JAM3: variants seen among roughly 807,000 people sequenced by gnomAD.
JAM3 encodes the protein junctional adhesion molecule C.
Under a neutral mutation model 39.4 loss-of-function variants are expected in JAM3, and 31 were observed. The ratio of observed to expected loss-of-function variants is 0.79; its 90% confidence interval spans 0.59 to 1.06. The LOEUF (loss-of-function observed/expected upper bound fraction) is 1.06. Among genes scored for constraint, JAM3 ranks in the 50% least tolerant of loss-of-function variants. The probability of loss-of-function intolerance (pLI) is 0.00; values close to 1 mark genes in which losing one functional copy is unlikely to be tolerated. For synonymous variants in JAM3, 182 were observed against 148.7 expected (o/e 1.22, Z -1.63); for missense variants, 455 against 391.4 (o/e 1.16, Z -1.37).
intron 1 of JAM3, chr11:134,070,090 G>A: frequency 2.2e-6 from 1 of 453,624 alleles, no homozygotes; most frequent in South Asian, 1.6e-5. Flanking sequence ...AGCTTGTACT[G>A]TCTACTAGGC....
chr11:134,149,639 A>G lies in JAM3; in HGVS notation c.*458A>G, dbSNP rs1565508584. The G allele has an allele frequency of 1.3e-5, 6 of 459,368 alleles. No homozygotes were observed. Among genetic ancestry groups the G allele is most frequent in the Non-Finnish European group, 2.6e-5 (6 of 229,190 alleles). The allele number at this position is 459,368 out of a possible 1,614,324, so 28.5% of individuals were successfully genotyped here. On this transcript the variant is annotated 3_prime_UTR_variant, in exon 9 of 9. Coordinates refer to ENST00000299106, the MANE Select transcript of JAM3 (RefSeq NM_032801.5). ...CGGGAACCCAGAAAAGGCTTCTTACACAGCAGCCTTACTTCATCGGCCCAC... is the reference window on the plus strand; with the variant it reads ...CGGGAACCCAGAAAAGGCTTCTTACGCAGCAGCCTTACTTCATCGGCCCAC...
At chr11:134,074,190 A>G (rs1301611521) in intron 1 of JAM3, among the ~76,000 whole-genome samples, 1 of 152,232 alleles carries the variant, frequency 6.6e-6, no homozygotes, top group Non-Finnish European at 1.5e-5. Context: ...CAGACTGTTG[A>G]TAGGGGCTGT....
At chr11:134,129,901 C>G (rs1266046207) in intron 1 of JAM3, among the ~76,000 whole-genome samples, 3 of 152,058 alleles carry the variant, frequency 2.0e-5, no homozygotes, top group Admixed American at 6.5e-5. Context: ...ACTCGGGAGG[C>G]TGAGGCAGGA....
At chr11:134,134,861 C>T (rs576682484) in intron 1 of JAM3, among the ~76,000 whole-genome samples, 11 of 152,130 alleles carry the variant, frequency 7.2e-5, no homozygotes, top group South Asian at 6.2e-4. Flanking sequence ...TTTTTTTGGT[C>T]GGTGAGTTGT....
chr11:134,149,526 C>T lies in JAM3; in HGVS notation c.*345C>T. The T allele has an allele frequency of 2.0e-6, 1 of 504,868 alleles. No individual in the cohort carries two copies. The highest frequency in any genetic ancestry group is 1.6e-5 in the South Asian group (1 of 63,392). The allele number at this position is 504,868 out of a possible 1,614,324, so 31.3% of individuals were successfully genotyped here. A position where few individuals can be genotyped will look rare whatever the true frequency, so the allele number is the denominator to read the frequency against. ...ACGCCCGTGCTGGGCCCTGTGAAGC[C>T]AGCATGTTCACCACTGGTCGTTCAG... On this transcript the variant is annotated 3_prime_UTR_variant, in exon 9 of 9. Transcript: ENST00000299106.
intron 1 of JAM3, among the ~76,000 whole-genome samples, chr11:134,096,467 T>C (rs1417776960): frequency 1.3e-5 from 2 of 152,222 alleles, no homozygotes; most frequent in African/African-American, 4.8e-5. Flanking sequence ...TCTTTCACTT[T>C]ATCGTACTTC....
At chr11:134,098,874 G>T (rs961007172) in intron 1 of JAM3, among the ~76,000 whole-genome samples, 1 of 152,028 alleles carries the variant, frequency 6.6e-6, no homozygotes, top group Non-Finnish European at 1.5e-5. Context: ...AAGACCTTTG[G>T]GTTACACCAG....
At chr11:134,096,120 G>A (rs774680252) in intron 1 of JAM3, among the ~76,000 whole-genome samples, 11 of 152,090 alleles carry the variant, frequency 7.2e-5, no homozygotes, top group Admixed American at 1.3e-4. Context: ...GGGATGACAG[G>A]TGCGCGCCAC....
At position 134,123,179 on chromosome 11, in the gene JAM3, T is replaced by C. The variant is rs1175019387; in HGVS notation, c.77-16672T>C. On this transcript the variant is annotated intron_variant, in intron 1 of 8. Coordinates refer to ENST00000299106, the MANE Select transcript of JAM3 (RefSeq NM_032801.5). ...AAGACTAAAAACCACCTGGATCATA[T>C]AATATATCTATATGTCACTGCTTTT... Among the ~76,000 whole-genome samples the C allele has an allele frequency of 2.4e-4, 36 of 152,148 alleles. 1 individual carries two copies.
At chr11:134,139,279 T>C (rs867728561) in intron 1 of JAM3, among the ~76,000 whole-genome samples, 9 of 152,234 alleles carry the variant, frequency 5.9e-5, no homozygotes, top group African/African-American at 2.2e-4. Flanking sequence ...TGTTATATTA[T>C]TATTTTTCTC....
intron 1 of JAM3, among the ~76,000 whole-genome samples, chr11:134,136,925 A>G (rs1379542741): frequency 6.6e-6 from 1 of 152,158 alleles, no homozygotes; most frequent in Non-Finnish European, 1.5e-5. Context: ...CATCCTGGCT[A>G]ACACGGTGAA....
chr11:134,101,926 G>C (rs1375612640), intron 1 of JAM3, among the ~76,000 whole-genome samples: 1 of 152,094 alleles, frequency 6.6e-6, no homozygotes, highest in Non-Finnish European at 1.5e-5. Flanking sequence ...AATTAGGTGT[G>C]GGGTACACAT....
chr11:134,112,741 C>G (rs1565492904), intron 1 of JAM3, among the ~76,000 whole-genome samples: 1 of 152,196 alleles, frequency 6.6e-6, no homozygotes, highest in Non-Finnish European at 1.5e-5. Flanking sequence ...AGGAGATCAA[C>G]TCAAGTAGCA....
intron 1 of JAM3, among the ~76,000 whole-genome samples, chr11:134,133,380 G>C (rs1265937538): frequency 1.3e-5 from 2 of 152,062 alleles, no homozygotes; most frequent in Non-Finnish European, 2.9e-5. Context: ...CTGATTGTAG[G>C]GGAAAAACTT....
chr11:134,093,486 T>C, intron 1 of JAM3, among the ~76,000 whole-genome samples: 1 of 135,378 alleles, frequency 7.4e-6, no homozygotes, highest in African/African-American at 2.9e-5. Context: ...TTCATCATGT[T>C]CCATCTTACA....
chr11:134,148,297 C>T (rs1435601613), intron 6 of JAM3: 2 of 547,062 alleles, frequency 3.7e-6, no homozygotes, highest in Non-Finnish European at 3.3e-6. Context: ...CACTTTAATA[C>T]ACTTTTCAGT....
chr11:134,121,348 C>T (rs1010660195), intron 1 of JAM3, among the ~76,000 whole-genome samples: 3 of 152,130 alleles, frequency 2.0e-5, no homozygotes, highest in African/African-American at 7.2e-5. Context: ...GAAGGGGAAA[C>T]AGAACACAGT....
Position 134,069,077 on chromosome 11 carries a change from C to T in JAM3, c.-7C>T, listed in dbSNP as rs781209285. ...GCGCTGCCGCTGGCCCCTCAGCAAC[C>T]CTCGACATGGCGCTGAGGCGGCCAC... On this transcript the variant is annotated 5_prime_UTR_variant, in exon 1 of 9. Transcript: ENST00000299106. The T allele has an allele frequency of 3.7e-6, 6 of 1,609,992 alleles. No individual in the cohort carries two copies. Among genetic ancestry groups the T allele is most frequent in the South Asian group, 2.2e-5 (2 of 90,678 alleles).
chr11:134,092,669 G>T lies in JAM3; in HGVS notation c.76+23510G>T, dbSNP rs576422708. Among the ~76,000 whole-genome samples the T allele has an allele frequency of 9.3e-4, 111 of 119,688 alleles. 1 individual carries two copies. Among genetic ancestry groups the T allele is most frequent in the African/African-American group, 3.5e-3 (105 of 29,716 alleles). The allele number at this position is 119,688 out of a possible 152,430, so 78.5% of individuals were successfully genotyped here. A position where few individuals can be genotyped will look rare whatever the true frequency, so the allele number is the denominator to read the frequency against. On this transcript the variant is annotated intron_variant, in intron 1 of 8. Transcript: ENST00000299106. ...TGTTCCATCTTACATGTCACTTCCT[G>T]AGGGAAGCTTCTCCTGAGCCCTCCT...
Sources: allele counts gnomAD v4.1 joint callset (sites outside exome capture counted in the v4.1 genomes callset), GRCh38; gene constraint gnomAD v4.1.1; transcripts MANE v1.5; gene names NCBI Gene and HGNC (gene_info 2026-07-23, HGNC 2026-07-21).